Variants in CDYL2 observed in about 807,000 individuals in gnomAD.
CDYL2 encodes the protein chromodomain Y like 2, also known as chromodomain Y-like protein 2.
CDYL2 carries 23 observed loss-of-function variants against 49.4 expected under a neutral mutation model. That is an observed-to-expected ratio of 0.47 (90% CI 0.34 to 0.66). CDYL2 has a LOEUF of 0.66. CDYL2 is among the 30% of genes least tolerant of loss of function. CDYL2 has a pLI of 0.01. For missense variants in CDYL2, 678 were observed against 656.4 expected, an observed-to-expected ratio of 1.03 and a Z score of -0.36; for synonymous variants, 360 against 268.8, an observed-to-expected ratio of 1.34 and a Z score of -3.32.
At chr16:80,652,666 T>G (rs1211362652) in intron 2 of CDYL2, among the ~76,000 whole-genome samples, 2 of 152,162 alleles carry the variant, frequency 1.3e-5, no homozygotes, top group Non-Finnish European at 2.9e-5. Flanking sequence ...AGCCAGGTGG[T>G]CACAGTCAAC....
At chr16:80,626,487 G>A (rs28439236) in intron 3 of CDYL2, among the ~76,000 whole-genome samples, 16,852 of 152,062 alleles carry the variant, frequency 0.11, 2,962 homozygotes, top group African/African-American at 0.38. Context: ...AAGTGGTGGA[G>A]GTAGTTACTC....
Position 80,691,300 on chromosome 16 carries a change from G to C in CDYL2, c.25-6171C>G, listed in dbSNP as rs531057580. On this transcript the variant is annotated intron_variant, in intron 1 of 6. Transcript: ENST00000570137. ...ATGAAGTCCTCAGGAAGGATAAAGA[G>C]GGCAAGTTCTGGGAACAACTTGGCA... 2.0e-5 allele frequency among the ~76,000 whole-genome samples: 3 copies of C among 152,208 alleles called. No individual in the cohort carries two copies. The South Asian group carries it at 6.2e-4, about 32-fold the overall frequency.
At chr16:80,691,217 T>C (rs577399626) in intron 1 of CDYL2, among the ~76,000 whole-genome samples, 17 of 152,166 alleles carry the variant, frequency 1.1e-4, no homozygotes, top group Non-Finnish European at 2.9e-5. Flanking sequence ...TTCAACATCC[T>C]GAGACAACTC....
chr16:80,733,044 T>A (rs528879045), intron 1 of CDYL2, among the ~76,000 whole-genome samples: 81 of 152,226 alleles, frequency 5.3e-4, no homozygotes, highest in Middle Eastern at 3.4e-3. Context: ...GAGTGACTGT[T>A]ATAGCAACAA....
chr16:80,620,649 T>C lies in CDYL2; in HGVS notation c.1007+114A>G, dbSNP rs576784723. On this transcript the variant is annotated intron_variant, in intron 4 of 6. Transcript: ENST00000570137. ...TCGAGTATTGCACAGGATATACTTATGCTAAAAATAAAATTCCTGGTTGTT... is the reference window on the plus strand; with the variant it reads ...TCGAGTATTGCACAGGATATACTTACGCTAAAAATAAAATTCCTGGTTGTT... The C allele has an allele frequency of 7.0e-6, 7 of 993,220 alleles. No individual in the cohort carries two copies. The African/African-American group carries it at 8.3e-5, about 12-fold the overall frequency. The allele number at this position is 993,220 out of a possible 1,614,324, so 61.5% of individuals were successfully genotyped here. A position where few individuals can be genotyped will look rare whatever the true frequency, so the allele number is the denominator to read the frequency against.
chr16:80,746,903 T>C (rs1261458514), intron 1 of CDYL2, among the ~76,000 whole-genome samples: 3 of 152,102 alleles, frequency 2.0e-5, no homozygotes, highest in Admixed American at 6.5e-5. Flanking sequence ...TTCTCTTCTC[T>C]TTAAAAAAAA....
intron 1 of CDYL2, among the ~76,000 whole-genome samples, chr16:80,759,413 C>T (rs907896021): frequency 4.0e-5 from 6 of 151,768 alleles, no homozygotes; most frequent in South Asian, 2.1e-4. Context: ...TTTTGTCAAG[C>T]GCTTCAATAC....
chr16:80,791,388 G>A (rs1907602943), intron 1 of CDYL2, among the ~76,000 whole-genome samples: 1 of 152,156 alleles, frequency 6.6e-6, no homozygotes, highest in African/African-American at 2.4e-5. Context: ...GTCTTGCACT[G>A]TGCTAGGTGC....
At chr16:80,800,544 G>A (rs944834222) in intron 1 of CDYL2, among the ~76,000 whole-genome samples, 6 of 151,940 alleles carry the variant, frequency 3.9e-5, no homozygotes, top group African/African-American at 1.5e-4. Flanking sequence ...CCACATCTGT[G>A]GATTCAACCA....
Position 80,687,737 on chromosome 16 carries a change from C to T in CDYL2, c.25-2608G>A, listed in dbSNP as rs187931233. Among the ~76,000 whole-genome samples, 23 of 152,248 alleles carry T rather than the reference C, an allele frequency of 1.5e-4. No individual in the cohort carries two copies. In the East Asian group the frequency reaches 3.5e-3, roughly 23 times the overall value. Reference sequence around the variant, plus strand: ...GATCTGTTTTAAATCCCCTGCTATGCCTCTTATCATGTGTTCTTGAGCAAG... The same window carrying T: ...GATCTGTTTTAAATCCCCTGCTATGTCTCTTATCATGTGTTCTTGAGCAAG... On this transcript the variant is annotated intron_variant, in intron 1 of 6. Coordinates refer to ENST00000570137, the MANE Select transcript of CDYL2 (RefSeq NM_152342.4).
In CDYL2 at chr16:80,600,632, G is replaced by C. The variant is rs756658778; in HGVS notation, c.*3756C>G. 6.6e-6 allele frequency: 1 copy of C among 152,104 alleles called. No individual in the cohort carries two copies. The allele number at this position is 152,104 out of a possible 1,614,324, so 9.4% of individuals were successfully genotyped here. ...AAACTAATATATACAACAGATATAA[G>C]TGTCTGAATACAGAAAAACAGAAGA... On this transcript the variant is annotated 3_prime_UTR_variant, in exon 7 of 7. Coordinates refer to ENST00000570137, the MANE Select transcript of CDYL2 (RefSeq NM_152342.4).
At chr16:80,661,807 C>T (rs1215212624) in intron 2 of CDYL2, among the ~76,000 whole-genome samples, 3 of 152,186 alleles carry the variant, frequency 2.0e-5, no homozygotes, top group Non-Finnish European at 4.4e-5. Flanking sequence ...ATCATCCATA[C>T]ACCTGCTTGA....
intron 6 of CDYL2, among the ~76,000 whole-genome samples, chr16:80,606,107 C>G (rs1043572902): frequency 2.0e-5 from 3 of 152,244 alleles, no homozygotes; most frequent in Non-Finnish European, 4.4e-5. Context: ...TGGCAGCTCC[C>G]TGGCTCCAGC....
chr16:80,614,510 T>G (rs928372041), intron 4 of CDYL2, among the ~76,000 whole-genome samples: 2 of 152,206 alleles, frequency 1.3e-5, no homozygotes, highest in Admixed American at 6.5e-5. Context: ...TAGGTTCATG[T>G]ATGTGAGAAG....
At chr16:80,701,359 A>G (rs746998941) in intron 1 of CDYL2, among the ~76,000 whole-genome samples, 1 of 152,236 alleles carries the variant, frequency 6.6e-6, no homozygotes, top group Non-Finnish European at 1.5e-5. Context: ...GCAGGGGAAG[A>G]GGCCACAAAG....
intron 1 of CDYL2, among the ~76,000 whole-genome samples, chr16:80,701,659 T>C (rs1195635948): frequency 6.6e-6 from 1 of 152,204 alleles, no homozygotes; most frequent in East Asian, 1.9e-4. Flanking sequence ...CTGAAATGAA[T>C]GGAGCTGTAT....
intron 1 of CDYL2, among the ~76,000 whole-genome samples, chr16:80,800,474 G>A (rs772340126): frequency 6.6e-6 from 1 of 152,108 alleles, no homozygotes; most frequent in Non-Finnish European, 1.5e-5. Context: ...TATTCTTAGT[G>A]GTGCGTGATT....
chr16:80,719,592 C>T (rs190680950), intron 1 of CDYL2, among the ~76,000 whole-genome samples: 1 of 152,288 alleles, frequency 6.6e-6, no homozygotes, highest in African/African-American at 2.4e-5. Context: ...CACATGGGGC[C>T]TAGCCAACAA....
At chr16:80,684,122 G>T (rs1910078705) in intron 2 of CDYL2, among the ~76,000 whole-genome samples, 1 of 152,162 alleles carries the variant, frequency 6.6e-6, no homozygotes, top group Non-Finnish European at 1.5e-5. Context: ...CACTGCTGGG[G>T]GCATGATGAG....
Sources: allele counts gnomAD v4.1 joint callset (sites outside exome capture counted in the v4.1 genomes callset), GRCh38; gene constraint gnomAD v4.1.1; transcripts MANE v1.5; gene names NCBI Gene and HGNC (gene_info 2026-07-23, HGNC 2026-07-21).